Variants in MLLT3 observed in about 807,000 individuals in gnomAD.
The protein encoded by MLLT3 is protein AF-9.
MLLT3 carries 4 observed loss-of-function variants against 53.2 expected under a neutral mutation model. The observed-to-expected ratio is 0.08, with a 90% CI of 0.04 to 0.17. MLLT3 has a LOEUF of 0.17. MLLT3 is among the 10% of genes least tolerant of loss of function. MLLT3 has a pLI of 1.00. For synonymous variants in MLLT3, 283 were observed against 230.6 expected, an observed-to-expected ratio of 1.23 and a Z score of -2.06; for missense variants, 569 against 684.0, an observed-to-expected ratio of 0.83 and a Z score of 1.87.
At chr9:20,516,528 C>T (rs1003054130) in intron 2 of MLLT3, among the ~76,000 whole-genome samples, 2 of 152,194 alleles carry the variant, frequency 1.3e-5, no homozygotes, top group African/African-American at 4.8e-5. Flanking sequence ...TATTAAATAA[C>T]TGTCATGCCA....
Position 20,363,398 on chromosome 9 carries a change from T to G in MLLT3, c.1331+78A>C, listed in dbSNP as rs998042106. ...TGCCGTTTTTGGTGTTTCACACCTT[T>G]GCTGTGATTATCCCAGCAGGGCTTG... is the stretch of plus-strand genomic sequence containing the variant. On this transcript the variant is annotated intron_variant, in intron 7 of 10. Coordinates refer to ENST00000380338, the MANE Select transcript of MLLT3 (RefSeq NM_004529.4). 5 of 1,558,440 alleles carry G rather than the reference T, an allele frequency of 3.2e-6. No homozygotes were observed. In the African/African-American group the frequency reaches 5.5e-5, roughly 17 times the overall value.
chr9:20,430,491 C>T (rs1007259324), intron 4 of MLLT3, among the ~76,000 whole-genome samples: 8 of 152,090 alleles, frequency 5.3e-5, no homozygotes, highest in African/African-American at 1.9e-4. Context: ...AAAGCTGATG[C>T]TTGACATGGC....
intron 3 of MLLT3, 63 bp downstream of exon 3, chr9:20,456,641 T>G: frequency 8.6e-7 from 1 of 1,160,596 alleles, no homozygotes. Flanking sequence ...CAAAATTATT[T>G]TAAACATCAT....
At chr9:20,457,238 C>CTTTTTTTTT (rs769037689) in intron 2 of MLLT3, among the ~76,000 whole-genome samples, 1 of 63,734 alleles carries the variant, frequency 1.6e-5, no homozygotes, top group African/African-American at 5.9e-5. Flanking sequence ...ACAAGGACAT[C>CTTTTTTTTT]TTTTTTTTTT....
At chr9:20,530,408 G>A (rs1818301026) in intron 2 of MLLT3, among the ~76,000 whole-genome samples, 1 of 152,128 alleles carries the variant, frequency 6.6e-6, no homozygotes, top group Non-Finnish European at 1.5e-5. Flanking sequence ...AAGGCAAAAT[G>A]TATGGCCAGT....
chr9:20,496,140 T>G, intron 2 of MLLT3, among the ~76,000 whole-genome samples: 1 of 152,208 alleles, frequency 6.6e-6, no homozygotes, highest in East Asian at 1.9e-4. Context: ...ACCACAAAAG[T>G]GCTCTGGGAA....
chr9:20,570,603 G>A (rs1376478718), intron 2 of MLLT3, among the ~76,000 whole-genome samples: 1 of 152,142 alleles, frequency 6.6e-6, no homozygotes, highest in Admixed American at 6.5e-5. Context: ...AGTAGAAAAT[G>A]AATTGTGAAC....
chr9:20,356,696 C>T (rs769732017), intron 8 of MLLT3, among the ~76,000 whole-genome samples: 104 of 152,312 alleles, frequency 6.8e-4, no homozygotes, highest in Non-Finnish European at 1.0e-3. Flanking sequence ...GACTTGAGGA[C>T]GCTGTATTTG....
chr9:20,566,776 C>T (rs1317891439), intron 2 of MLLT3, among the ~76,000 whole-genome samples: 1 of 152,068 alleles, frequency 6.6e-6, no homozygotes, highest in Non-Finnish European at 1.5e-5. Flanking sequence ...TGTGCCCATG[C>T]TCATCTGAGA....
chr9:20,446,100 TAGAC>T (rs1359652010), intron 4 of MLLT3, among the ~76,000 whole-genome samples: 3 of 152,198 alleles, frequency 2.0e-5, no homozygotes, highest in African/African-American at 2.4e-5. Context: ...CCATATGAAA[TAGAC>T]AGAATCTGTG....
intron 2 of MLLT3, among the ~76,000 whole-genome samples, chr9:20,612,118 G>C (rs1342552014): frequency 6.6e-6 from 1 of 152,138 alleles, no homozygotes; most frequent in African/African-American, 2.4e-5. Flanking sequence ...GCTAATATAA[G>C]TGAATTATTA....
chr9:20,605,171 T>A (rs1820529603), intron 2 of MLLT3, among the ~76,000 whole-genome samples: 1 of 152,066 alleles, frequency 6.6e-6, no homozygotes, highest in South Asian at 2.1e-4. Flanking sequence ...GTATAATGAT[T>A]TTTATAAAAG....
chr9:20,585,379 T>A (rs569118821), intron 2 of MLLT3, among the ~76,000 whole-genome samples: 1 of 152,332 alleles, frequency 6.6e-6, no homozygotes, highest in Admixed American at 6.5e-5. Flanking sequence ...ACAAAGGCTC[T>A]ATCTACAAAT....
At chr9:20,385,117 C>T (rs1254007268) in intron 5 of MLLT3, among the ~76,000 whole-genome samples, 5 of 152,020 alleles carry the variant, frequency 3.3e-5, no homozygotes, top group African/African-American at 4.8e-5. Flanking sequence ...AATCTCTAAC[C>T]GATTAACATA....
intron 5 of MLLT3, among the ~76,000 whole-genome samples, chr9:20,397,502 C>T (rs1055027887): frequency 1.7e-4 from 26 of 151,992 alleles, no homozygotes; most frequent in African/African-American, 6.0e-4. Context: ...CTTTTGACTG[C>T]GGAACATGTA....
chr9:20,425,848 T>C (rs1377775154), intron 4 of MLLT3, among the ~76,000 whole-genome samples: 1 of 152,034 alleles, frequency 6.6e-6, no homozygotes, highest in East Asian at 1.9e-4. Context: ...CCTTTTGTTC[T>C]AAAGAATTTA....
chr9:20,488,030 C>T (rs993295617), intron 2 of MLLT3, among the ~76,000 whole-genome samples: 11 of 152,068 alleles, frequency 7.2e-5, no homozygotes, highest in Non-Finnish European at 1.2e-4. Flanking sequence ...GGTAAGGTTA[C>T]TTACCTTTTT....
intron 5 of MLLT3, chr9:20,410,579 T>C (rs1822703024): frequency 6.6e-6 from 1 of 152,082 alleles, no homozygotes; most frequent in Non-Finnish European, 1.5e-5. Context: ...TATCAACAAA[T>C]AAGTGATCGA....
At chr9:20,543,793 T>C (rs920456335) in intron 2 of MLLT3, among the ~76,000 whole-genome samples, 11 of 151,888 alleles carry the variant, frequency 7.2e-5, no homozygotes, top group South Asian at 2.1e-4. Flanking sequence ...ACTGAAAACA[T>C]TGCAAGAATT....
Sources: allele counts gnomAD v4.1 joint callset (sites outside exome capture counted in the v4.1 genomes callset), GRCh38; gene constraint gnomAD v4.1.1; transcripts MANE v1.5; gene names NCBI Gene and HGNC (gene_info 2026-07-23, HGNC 2026-07-21).